DCAF17: variants seen among roughly 807,000 people sequenced by gnomAD.
DCAF17 encodes the protein DDB1 and CUL4 associated factor 17, also known as DDB1- and CUL4-associated factor 17.
In DCAF17, 48 loss-of-function variants were observed where a neutral mutation model predicts 66.0. That is an observed-to-expected ratio of 0.73 (90% CI 0.58 to 0.92). The LOEUF is 0.92. Among genes scored for constraint, DCAF17 ranks in the 40% least tolerant of loss-of-function variants. The pLI is 0.00. For synonymous variants in DCAF17, 206 were observed against 214.6 expected (o/e 0.96, Z 0.35); for missense variants, 562 against 622.8 (o/e 0.90, Z 1.04).
chr2:171,481,317 A>C lies in DCAF17; in HGVS notation c.*203A>C. On this transcript the variant is annotated 3_prime_UTR_variant, in exon 14 of 14. Transcript: ENST00000375255. Reference sequence around the variant, plus strand: ...TCATTTTTTTTAAAGGTTTTTTAGAATACTGTTCCAAGAAGTTTAGTGTTT... The same window carrying C: ...TCATTTTTTTTAAAGGTTTTTTAGACTACTGTTCCAAGAAGTTTAGTGTTT... The C allele has an allele frequency of 1.5e-6, 1 of 673,438 alleles. No homozygotes were observed. The highest frequency in any genetic ancestry group is 2.7e-6 in the Non-Finnish European group (1 of 375,428). The allele number at this position is 673,438 out of a possible 1,614,324, so 41.7% of individuals were successfully genotyped here. A position where few individuals can be genotyped will look rare whatever the true frequency, so the allele number is the denominator to read the frequency against.
rs148758818 is a variant in DCAF17, at chr2:171,483,837, A to G, written c.*2723A>G. On this transcript the variant is annotated 3_prime_UTR_variant, in exon 14 of 14. Coordinates refer to ENST00000375255, the MANE Select transcript of DCAF17 (RefSeq NM_025000.4). ...AAGTTAATTGGCCCAGGGTCCCACA[A>G]CTAGTCAGTGCAGAGGTGGGAAACA... The G allele has an allele frequency of 1.2e-3, 531 of 454,088 alleles. 5 individuals carry two copies. The highest frequency in any genetic ancestry group is 9.9e-3 in the African/African-American group (495 of 50,122). The allele number at this position is 454,088 out of a possible 1,614,324, so 28.1% of individuals were successfully genotyped here. A position where few individuals can be genotyped will look rare whatever the true frequency, so the allele number is the denominator to read the frequency against.
Position 171,458,029 on chromosome 2 carries a change from G to C in DCAF17, c.686G>C (p.Ser229Thr), listed in dbSNP as rs1346220821. 2 of 1,613,976 alleles carry C rather than the reference G, an allele frequency of 1.2e-6. No individual in the cohort carries two copies. The highest frequency in any genetic ancestry group is 8.5e-7 in the Non-Finnish European group (1 of 1,179,986). ...CATGGAATACTGATTGTGATGTACAGCTCAGGACTGGTCAGACTCTATAGC... is the reference window on the plus strand; with the variant it reads ...CATGGAATACTGATTGTGATGTACACCTCAGGACTGGTCAGACTCTATAGC... Reference protein sequence around the residue: ...LSHGILIVMYSSGLVRLYSFQ... With the variant: ...LSHGILIVMYTSGLVRLYSFQ... Residue 229 changes from serine (S) to threonine (T), a missense_variant, in exon 7 of 14, where the codon AGC (serine) becomes ACC (threonine). Physicochemically the swap from Ser to Thr is moderately conservative, Grantham distance 58. Transcript: ENST00000375255.
At chr2:171,442,425 A>G (rs1694356347) in intron 2 of DCAF17, among the ~76,000 whole-genome samples, 1 of 151,932 alleles carries the variant, frequency 6.6e-6, no homozygotes, top group South Asian at 2.1e-4. Context: ...TTAGCTGGGC[A>G]TGGTAGCATG....
At chr2:171,458,975 A>G (rs531259006) in intron 8 of DCAF17, among the ~76,000 whole-genome samples, 1 of 152,356 alleles carries the variant, frequency 6.6e-6, no homozygotes, top group Non-Finnish European at 1.5e-5. Context: ...AAATATAGTA[A>G]AAATGTTCTA....
chr2:171,480,100 A>G lies in DCAF17; in HGVS notation c.1329A>G (p.Gln443=), dbSNP rs1574408283. Residue 443 remains glutamine, a synonymous_variant, in exon 13 of 14, where the codon CAA becomes CAG. Coordinates refer to ENST00000375255, the MANE Select transcript of DCAF17 (RefSeq NM_025000.4). The part of the protein sequence containing the change: ...LDLLSVVAVT[Q]IDAEGKAHLD... ...TGCTTTCTGTGGTAGCTGTTACTCA[A>G]ATAGATGCTGAAGGAAAAGCTCACC... 1.2e-6 allele frequency: 2 copies of G among 1,613,882 alleles called. No homozygotes were observed. Among genetic ancestry groups the G allele is most frequent in the Non-Finnish European group, 1.7e-6 (2 of 1,179,814 alleles).
intron 2 of DCAF17, among the ~76,000 whole-genome samples, chr2:171,439,789 A>T (rs1370795333): frequency 1.3e-5 from 2 of 152,040 alleles, no homozygotes; most frequent in African/African-American, 2.4e-5. Flanking sequence ...TTAGCTGGGC[A>T]TGGTGGCACA....
intron 10 of DCAF17, among the ~76,000 whole-genome samples, chr2:171,475,667 G>A (rs183668114): frequency 6.6e-6 from 1 of 152,324 alleles, no homozygotes; most frequent in East Asian, 1.9e-4. Flanking sequence ...GGAGTCTGGG[G>A]CAGGAGGATC....
chr2:171,448,049 A>AT (rs1379029647), intron 3 of DCAF17, among the ~76,000 whole-genome samples: 9 of 152,218 alleles, frequency 5.9e-5, no homozygotes, highest in Non-Finnish European at 1.3e-4. Flanking sequence ...AGTAATTTGC[A>AT]TTTTGCCAGT....
In DCAF17 at chr2:171,481,667, AT is replaced by A. The variant is rs1696752135; in HGVS notation, c.*556del. On this transcript the variant is annotated 3_prime_UTR_variant, in exon 14 of 14. Transcript: ENST00000375255. The stretch of plus-strand genomic sequence containing the variant: ...ATATATGTATTTATATGTGTTTCGT[AT>A]TTGTATATAGTATCAGGAATTGGTT... 2.2e-6 allele frequency: 1 copy of A among 453,220 alleles called. No individual in the cohort carries two copies. Among genetic ancestry groups the A allele is most frequent in the African/African-American group, 2.0e-5 (1 of 49,880 alleles). 28.1% of individuals were successfully genotyped at this position (453,220 alleles called of 1,614,324 possible).
intron 5 of DCAF17, 141 bp downstream of exon 5, chr2:171,450,098 C>A (rs1051747117): frequency 1.5e-6 from 1 of 685,462 alleles, no homozygotes; most frequent in Non-Finnish European, 2.6e-6. Context: ...TGGATGGGAT[C>A]GGAGACCATT....
intron 2 of DCAF17, 45 bp from the exon 3 acceptor site, chr2:171,443,478 C>G: frequency 6.6e-7 from 1 of 1,519,516 alleles, no homozygotes; most frequent in Non-Finnish European, 9.1e-7. Context: ...CAAATACTGT[C>G]TTGGTTATCA....
intron 6 of DCAF17, among the ~76,000 whole-genome samples, chr2:171,456,026 A>G (rs183737696): frequency 1.3e-5 from 2 of 152,150 alleles, no homozygotes; most frequent in African/African-American, 2.4e-5. Context: ...AGTAGATCCT[A>G]TTTGTCAATT....
At chr2:171,469,154 A>G (rs2105795736) in intron 9 of DCAF17, 124 bp downstream of exon 9, 1 of 1,060,928 alleles carries the variant, frequency 9.4e-7, no homozygotes, top group East Asian at 2.5e-5. Context: ...ATTTGCAAAC[A>G]ATTTAAAATA....
At chr2:171,443,929 A>T (rs1694463463) in intron 3 of DCAF17, among the ~76,000 whole-genome samples, 2 of 152,224 alleles carry the variant, frequency 1.3e-5, no homozygotes, top group South Asian at 4.1e-4. Flanking sequence ...TTAAGAGATC[A>T]TTCCACTCAA....
At chr2:171,464,379 T>C (rs1441674683) in intron 8 of DCAF17, among the ~76,000 whole-genome samples, 1 of 152,184 alleles carries the variant, frequency 6.6e-6, no homozygotes, top group Non-Finnish European at 1.5e-5. Context: ...CTTCTGGTGG[T>C]TGTTCACAAT....
At chr2:171,474,575 A>G (rs1052202656) in intron 10 of DCAF17, among the ~76,000 whole-genome samples, 10 of 152,090 alleles carry the variant, frequency 6.6e-5, no homozygotes, top group African/African-American at 2.4e-4. Context: ...TCCATTCTGC[A>G]TGATTCTATT....
chr2:171,468,457 A>G (rs1028411694), intron 8 of DCAF17, among the ~76,000 whole-genome samples: 1 of 152,154 alleles, frequency 6.6e-6, no homozygotes, highest in Non-Finnish European at 1.5e-5. Flanking sequence ...TCTTCCTCAC[A>G]TTTGAAGGCA....
rs1279250134 is a variant in DCAF17 at position 171,481,275 on chromosome 2, A to G, written c.*161A>G. 1.1e-6 allele frequency: 1 copy of G among 887,628 alleles called. No homozygotes were observed. Among genetic ancestry groups the G allele is most frequent in the East Asian group, 2.6e-5 (1 of 37,898 alleles). The allele number at this position is 887,628 out of a possible 1,614,324, so 55.0% of individuals were successfully genotyped here. On this transcript the variant is annotated 3_prime_UTR_variant, in exon 14 of 14. Transcript: ENST00000375255. The stretch of plus-strand genomic sequence containing the variant: ...GACTTCTTTTTTAAACTCTTGCTGT[A>G]AAAGATGGTGAGGACTTCATTTTTT...
intron 9 of DCAF17, among the ~76,000 whole-genome samples, chr2:171,469,233 A>G (rs1468409055): frequency 1.3e-5 from 2 of 152,260 alleles, no homozygotes; most frequent in African/African-American, 4.8e-5. Context: ...TTAACATTTG[A>G]AAATTCTTAT....
Sources: gnomAD v4.1 joint callset for allele counts (sites outside exome capture counted in the v4.1 genomes callset) on GRCh38, gnomAD v4.1.1 for gene constraint, MANE v1.5 for transcripts, NCBI Gene and HGNC (gene_info 2026-07-23, HGNC 2026-07-21) for gene names.